The following HYAL3 variants were observed in gnomAD, a reference collection of about 807,000 sequenced individuals.
HYAL3 encodes hyaluronidase 3, also known as hyaluronidase-3.
In HYAL3, 25 loss-of-function variants were observed where a neutral mutation model predicts 29.6. The ratio of observed to expected loss-of-function variants is 0.85; its 90% CI spans 0.62 to 1.18. The LOEUF (loss-of-function observed/expected upper bound fraction) is 1.18, where lower values mean the gene tolerates loss of function less well. Among genes scored for constraint, HYAL3 ranks in the 50% most tolerant of loss-of-function variants. HYAL3 has a pLI of 0.00. For synonymous variants in HYAL3, 215 were observed against 218.3 expected, an observed-to-expected ratio of 0.99 and a Z score of 0.13; for missense variants, 442 against 548.4, an observed-to-expected ratio of 0.81 and a Z score of 1.94.
chr3:50,296,159 T>A (rs1423885416), intron 1 of HYAL3, among the ~76,000 whole-genome samples: 1 of 152,162 alleles, frequency 6.6e-6, no homozygotes, highest in Non-Finnish European at 1.5e-5. Flanking sequence ...TAGTTACCCA[T>A]TGCCTATGTC....
At chr3:50,293,856 T>C (rs1701750846) in intron 2 of HYAL3, 135 bp from the exon 3 acceptor site, 1 of 830,034 alleles carries the variant, frequency 1.2e-6, no homozygotes, top group Non-Finnish European at 1.9e-6. Flanking sequence ...CTAGTTTGGT[T>C]TGGTTTTAGA....
chr3:50,299,229 C>T lies in HYAL3; in HGVS notation c.-34G>A. 1 of 1,614,160 alleles carries T rather than the reference C, an allele frequency of 6.2e-7. No homozygotes were observed. The highest frequency in any genetic ancestry group is 1.1e-5 in the South Asian group (1 of 91,090). On this transcript the variant is annotated 5_prime_UTR_variant, in exon 1 of 4. Transcript: ENST00000336307. ...GGTACTGACATGTTGATGCTGGCCT[C>T]TGGGATGTTCCGCGTCCTAGCTCCG...
In HYAL3 at chr3:50,297,291, G is replaced by A; in HGVS notation, c.-17-1672C>T. ...GTGCACAGGCTCCAGGGTCAACTCA[G>A]CCAGGCTAGGAGCTGGGGTCTCCTC... On this transcript the variant is annotated intron_variant, in intron 1 of 3. Coordinates refer to ENST00000336307, the MANE Select transcript of HYAL3 (RefSeq NM_003549.4). This position sits in a 1 kb window ranked among gnomAD's most constrained non-coding sequence, Gnocchi z 4.3. The A allele has an allele frequency of 6.2e-7, 1 of 1,604,306 alleles. No individual in the cohort carries two copies. Among genetic ancestry groups the A allele is most frequent in the Non-Finnish European group, 8.5e-7 (1 of 1,173,446 alleles).
rs782089837 is a variant in HYAL3 at position 50,296,994 on chromosome 3, A to G, written c.-17-1375T>C. The G allele has an allele frequency of 1.0e-5, 16 of 1,564,690 alleles. No homozygotes were observed. The highest frequency in any genetic ancestry group is 4.1e-5 in the African/African-American group (3 of 73,052). ...CCGAGCAAAGACCTCCAGGCCCTCC[A>G]TGAGGCGGCGGCCAAAGCCACGGCC... On this transcript the variant is annotated intron_variant, in intron 1 of 3. Transcript: ENST00000336307.
At position 50,295,235 on chromosome 3, in the gene HYAL3, G is replaced by A. The variant is rs1186282939; in HGVS notation, c.368C>T (p.Pro123Leu). 6.2e-6 allele frequency: 10 copies of A among 1,613,718 alleles called. No homozygotes were observed. In the African/African-American group the frequency reaches 1.1e-4, roughly 17 times the overall value. ...CCACTCCTCCCAATCCAGCACTGCT[G>A]GGCCAGCAAAGCCAGGTCTCAGGCT... ...HHSLRPGFAG[P>L]AVLDWEEWCP... Residue 123 changes from proline to leucine, a missense_variant, in exon 2 of 4, where the codon CCA becomes CTA. Transcript: ENST00000336307.
chr3:50,293,229 T>C lies in HYAL3; in HGVS notation c.*17A>G, dbSNP rs1179568174. 6.8e-6 allele frequency: 11 copies of C among 1,612,912 alleles called. No individual in the cohort carries two copies. Among genetic ancestry groups the C allele is most frequent in the Non-Finnish European group, 9.3e-6 (11 of 1,179,996 alleles). On this transcript the variant is annotated 3_prime_UTR_variant, in exon 4 of 4. Coordinates refer to ENST00000336307, the MANE Select transcript of HYAL3 (RefSeq NM_003549.4). ...TGGCAGCAGGGAAAAGAAGAGGCAG[T>C]GGCAGGGGCCCTGGCTTTATACTGC...
intron 1 of HYAL3, chr3:50,298,064 G>C: frequency 1.0e-6 from 1 of 985,646 alleles, no homozygotes; most frequent in South Asian, 4.7e-5. Flanking sequence ...CTGTCTTCCA[G>C]TAGTCCTCCT....
chr3:50,299,161 G>A lies in HYAL3; in HGVS notation c.-18+52C>T, dbSNP rs1297326315. On this transcript the variant is annotated intron_variant, in intron 1 of 3. Coordinates refer to ENST00000336307, the MANE Select transcript of HYAL3 (RefSeq NM_003549.4). The stretch of plus-strand genomic sequence containing the variant: ...AGGGTGGCATGGCCACTTGGGGACC[G>A]CACGCGCGGGGTGGACCTACAGGCA... 4 of 1,613,820 alleles carry A rather than the reference G, an allele frequency of 2.5e-6. No homozygotes were observed. The African/African-American group carries it at 4.0e-5, about 16-fold the overall frequency.
Position 50,295,541 on chromosome 3 carries a change from T to C in HYAL3, c.62A>G (p.Gln21Arg), listed in dbSNP as rs1175996324. Residue 21 changes from glutamine (Q) to arginine (R), a missense_variant, in exon 2 of 4, where the codon CAG (glutamine) becomes CGG (arginine). Gln to Arg is a conservative substitution (Grantham distance 43). Coordinates refer to ENST00000336307, the MANE Select transcript of HYAL3 (RefSeq NM_003549.4). Reference protein sequence around the residue: ...LGVALCLGCGQPLPQVPERPF... With the variant: ...LGVALCLGCGRPLPQVPERPF... Reference sequence around the variant, plus strand: ...GCGTTCAGGGACCTGTGGTAGGGGCTGGCCACAACCCAGGCACAGGGCCAC... The same window carrying C: ...GCGTTCAGGGACCTGTGGTAGGGGCCGGCCACAACCCAGGCACAGGGCCAC... 2 of 1,588,874 alleles carry C rather than the reference T, an allele frequency of 1.3e-6. No individual in the cohort carries two copies. The highest frequency in any genetic ancestry group is 2.7e-5 in the African/African-American group (2 of 73,550).
intron 1 of HYAL3, chr3:50,296,561 A>C (rs1701847110): frequency 6.3e-7 from 1 of 1,592,490 alleles, no homozygotes; most frequent in African/African-American, 1.3e-5. Context: ...CTGTCGGGGC[A>C]GTCTATTGAA....
chr3:50,297,194 G>A lies in HYAL3; in HGVS notation c.-17-1575C>T. 6.2e-7 allele frequency: 1 copy of A among 1,612,578 alleles called. No individual in the cohort carries two copies. The highest frequency in any genetic ancestry group is 1.7e-5 in the Admixed American group (1 of 59,880). On this transcript the variant is annotated intron_variant, in intron 1 of 3. Coordinates refer to ENST00000336307, the MANE Select transcript of HYAL3 (RefSeq NM_003549.4). The surrounding 1 kb of genome is among the most constrained non-coding windows in gnomAD (Gnocchi z 4.3). ...CTGAGGACTGGCCCAGGGAGTGCAGGCGGGAGGTGCGGCTGCGGGGCCACT... is the reference window on the plus strand; with the variant it reads ...CTGAGGACTGGCCCAGGGAGTGCAGACGGGAGGTGCGGCTGCGGGGCCACT...
At chr3:50,293,789 A>G (rs1701749248) in intron 2 of HYAL3, 68 bp from the exon 3 acceptor site, 2 of 1,300,654 alleles carry the variant, frequency 1.5e-6, no homozygotes. Context: ...ATCCACATTC[A>G]AGAAACTCTT....
Position 50,294,761 on chromosome 3 carries a change from A to C in HYAL3, c.842T>G (p.Val281Gly), listed in dbSNP as rs371321872. The part of the protein sequence containing the change: ...ALVGHRHPLP[V>G]LAYVRLTHRR... ...GTGTGTGAGGCGGACATAGGCCAGG[A>C]CAGGCAGGGGATGTCGGTGCCCAAC... Residue 281 changes from valine (V) to glycine (G), a missense_variant, in exon 2 of 4, where the codon GTC (valine) becomes GGC (glycine). Coordinates refer to ENST00000336307, the MANE Select transcript of HYAL3 (RefSeq NM_003549.4). 4 of 1,512,962 alleles carry C rather than the reference A, an allele frequency of 2.6e-6. No individual in the cohort carries two copies. Among genetic ancestry groups the C allele is most frequent in the Non-Finnish European group, 2.7e-6 (3 of 1,129,854 alleles). The allele number at this position is 1,512,962 out of a possible 1,614,324, so 93.7% of individuals were successfully genotyped here. A position where few individuals can be genotyped will look rare whatever the true frequency, so the allele number is the denominator to read the frequency against.
In HYAL3 at chr3:50,294,901, G is replaced by A. The variant is rs782541497; in HGVS notation, c.702C>T (p.Leu234=). 1 of 1,581,888 alleles carries A rather than the reference G, an allele frequency of 6.3e-7. No homozygotes were observed. The highest frequency in any genetic ancestry group is 1.3e-5 in the African/African-American group (1 of 74,418). The change falls in exon 2 of 4, where the codon CTC becomes CTT. Residue 234 remains leucine (L), a synonymous_variant. Transcript: ENST00000336307. ...GGAAGAGGGCACTGGAGGCGGCCCA[G>A]AGCCAATGCAGTTGAGTGTTGCGGG... The part of the protein sequence containing the change: ...TLARNTQLHW[L]WAASSALFPS...
chr3:50,295,653 C>A (rs782299863), intron 1 of HYAL3, 34 bp from the exon 2 acceptor site: 18 of 1,487,240 alleles, frequency 1.2e-5, no homozygotes, highest in Admixed American at 4.9e-5. Flanking sequence ...GCTTAGAGTC[C>A]GCAGCTATGG....
Position 50,297,110 on chromosome 3 carries a change from G to T in HYAL3, c.-17-1491C>A. 1 of 1,556,270 alleles carries T rather than the reference G, an allele frequency of 6.4e-7. No homozygotes were observed. The highest frequency in any genetic ancestry group is 8.7e-7 in the Non-Finnish European group (1 of 1,149,682). On this transcript the variant is annotated intron_variant, in intron 1 of 3. Transcript: ENST00000336307. The surrounding 1 kb of genome is among the most constrained non-coding windows in gnomAD (Gnocchi z 4.3). ...ACAGGCGGGCATGGCCCACCACAAC[G>T]GGTGCTGCTTCAAGTGTGGGGTGGG...
rs781792015 is a variant in HYAL3 at position 50,297,004 on chromosome 3, G to A, written c.-17-1385C>T. On this transcript the variant is annotated intron_variant, in intron 1 of 3. Coordinates refer to ENST00000336307, the MANE Select transcript of HYAL3 (RefSeq NM_003549.4). The surrounding 1 kb of genome is among the most constrained non-coding windows in gnomAD (Gnocchi z 4.3). ...ACCTCCAGGCCCTCCATGAGGCGGCGGCCAAAGCCACGGCCCCTCAGGGCC... is the reference window on the plus strand; with the variant it reads ...ACCTCCAGGCCCTCCATGAGGCGGCAGCCAAAGCCACGGCCCCTCAGGGCC... 13 of 1,555,988 alleles carry A rather than the reference G, an allele frequency of 8.4e-6. No homozygotes were observed. Among genetic ancestry groups the A allele is most frequent in the East Asian group, 4.5e-5 (2 of 44,564 alleles).
rs1553710985 is a variant in HYAL3 at position 50,295,563 on chromosome 3, C to T, written c.40G>A (p.Ala14Thr). The T allele has an allele frequency of 6.4e-7, 1 of 1,572,256 alleles. No homozygotes were observed. Among genetic ancestry groups the T allele is most frequent in the Non-Finnish European group, 8.6e-7 (1 of 1,156,302 alleles). ...QLGPALVLGV[A>T]LCLGCGQPLP... ...GGCTGGCCACAACCCAGGCACAGGGCCACCCCCAGCACCAGGGCTGGGCCC... is the reference window on the plus strand; with the variant it reads ...GGCTGGCCACAACCCAGGCACAGGGTCACCCCCAGCACCAGGGCTGGGCCC... The change falls in exon 2 of 4, where the codon GCC becomes ACC. Residue 14 changes from alanine (A) to threonine (T), a missense_variant. Ala to Thr is a moderately conservative substitution (Grantham distance 58). Transcript: ENST00000336307.
chr3:50,294,777 G>A lies in HYAL3; in HGVS notation c.826C>T (p.Arg276Ter), dbSNP rs782239894. ...EAFRVALVGH[R>*]HPLPVLAYVR... Reference sequence around the variant, plus strand: ...TAGGCCAGGACAGGCAGGGGATGTCGGTGCCCAACAAGGGCCACACGGAAG... The same window carrying A: ...TAGGCCAGGACAGGCAGGGGATGTCAGTGCCCAACAAGGGCCACACGGAAG... The change falls in exon 2 of 4, where the codon CGA becomes TGA. Residue 276 changes from arginine to a stop codon, truncating the protein, a stop_gained. Coordinates refer to ENST00000336307, the MANE Select transcript of HYAL3 (RefSeq NM_003549.4). LOFTEE classifies it high-confidence loss of function. The A allele has an allele frequency of 4.6e-6, 7 of 1,514,100 alleles. No individual in the cohort carries two copies. Among genetic ancestry groups the A allele is most frequent in the Non-Finnish European group, 6.2e-6 (7 of 1,129,840 alleles). 93.8% of individuals were successfully genotyped at this position (1,514,100 alleles called of 1,614,324 possible).
Sources: allele counts gnomAD v4.1 joint callset (sites outside exome capture counted in the v4.1 genomes callset), GRCh38; gene constraint gnomAD v4.1.1; non-coding constraint Gnocchi (gnomAD v3.1); transcripts MANE v1.5; gene names NCBI Gene and HGNC (gene_info 2026-07-23, HGNC 2026-07-21).